Variants in NEMF observed in about 807,000 individuals in gnomAD.
The protein encoded by NEMF is ribosome quality control complex subunit NEMF.
Under a neutral mutation model 162.2 loss-of-function variants are expected in NEMF, and 89 were observed. The ratio of observed to expected loss-of-function variants is 0.55; its 90% CI spans 0.46 to 0.65. The LOEUF (loss-of-function observed/expected upper bound fraction) is 0.65. Among genes scored for constraint, NEMF ranks in the 30% least tolerant of loss-of-function variants. NEMF has a pLI of 0.00. For missense variants in NEMF, 1,133 were observed against 1,261.9 expected (o/e 0.90, Z 1.55); for synonymous variants, 421 against 404.5 (o/e 1.04, Z -0.49).
At chr14:49,815,242 T>A (rs527671580) in intron 16 of NEMF, among the ~76,000 whole-genome samples, 5 of 152,310 alleles carry the variant, frequency 3.3e-5, no homozygotes, top group Admixed American at 2.0e-4. Context: ...GTTTTCCCAC[T>A]CTGCTCTCAA....
Position 49,833,483 on chromosome 14 carries a change from T to C in NEMF, c.675A>G (p.Val225=), listed in dbSNP as rs144956147. ...EKLETKDIEK[V]LVSLQKAEDY... ...CTTCTGCTTTCTGCAGAGAAACAAGTACTTTTTCAATATCTAATGGTGGGG... is the reference window on the plus strand; with the variant it reads ...CTTCTGCTTTCTGCAGAGAAACAAGCACTTTTTCAATATCTAATGGTGGGG... Residue 225 remains valine, a synonymous_variant, in exon 8 of 33, where the codon GTA becomes GTG. Transcript: ENST00000298310. 186 of 1,578,592 alleles carry C rather than the reference T, an allele frequency of 1.2e-4. No homozygotes were observed. Among genetic ancestry groups the C allele is most frequent in the Middle Eastern group, 1.7e-4 (1 of 5,728 alleles).
chr14:49,829,661 G>C (rs1273058057), intron 11 of NEMF, among the ~76,000 whole-genome samples: 3 of 152,114 alleles, frequency 2.0e-5, no homozygotes, highest in Admixed American at 6.6e-5. Context: ...TTTGATTACA[G>C]GTTACTGTGT....
chr14:49,800,752 T>G, intron 22 of NEMF, 56 bp from the exon 23 acceptor site: 1 of 1,487,410 alleles, frequency 6.7e-7, no homozygotes. Context: ...GCCAGGTGAT[T>G]TCCTAAAAAT....
At position 49,782,488 on chromosome 14, in the gene NEMF, A is replaced by AACTT. The variant is rs771606148; in HGVS notation, c.*2144_*2147dup. The AACTT allele has an allele frequency of 6.3e-6, 10 of 1,597,266 alleles. No homozygotes were observed. In the Admixed American group the frequency reaches 8.5e-5, roughly 14 times the overall value. ...TATACTACCTTCACATTATTACTGA[A>AACTT]ACTTACTTGCAAAGCATTTGCTTTT... is the stretch of plus-strand genomic sequence containing the variant. On this transcript the variant is annotated 3_prime_UTR_variant, in exon 33 of 33. Coordinates refer to ENST00000298310, the MANE Select transcript of NEMF (RefSeq NM_004713.6).
chr14:49,799,235 G>GAAAAAAAAAAA (rs1402728880), intron 25 of NEMF, among the ~76,000 whole-genome samples: 6 of 54,970 alleles, frequency 1.1e-4, no homozygotes, highest in East Asian at 2.7e-4. Flanking sequence ...AAAAAAAAAG[G>GAAAAAAAAAAA]AAAATGTTAA....
At chr14:49,846,023 G>T in intron 4 of NEMF, 117 bp downstream of exon 4, 2 of 759,316 alleles carry the variant, frequency 2.6e-6, no homozygotes, top group East Asian at 2.7e-5. Flanking sequence ...CCATTTCCTA[G>T]GGTAGTAACA....
At chr14:49,837,815 T>TAAAAAAAAA (rs10709373) in intron 6 of NEMF, among the ~76,000 whole-genome samples, 2 of 122,780 alleles carry the variant, frequency 1.6e-5, no homozygotes, top group African/African-American at 3.1e-5. Context: ...ACCCACCAAT[T>TAAAAAAAAA]AAAAAAAAAA....
At chr14:49,799,943 A>G (rs1035636759) in intron 23 of NEMF, among the ~76,000 whole-genome samples, 1 of 152,196 alleles carries the variant, frequency 6.6e-6, no homozygotes, top group East Asian at 1.9e-4. Flanking sequence ...CCAAATCCCT[A>G]TGAAAGGGAT....
intron 11 of NEMF, among the ~76,000 whole-genome samples, chr14:49,830,725 G>A (rs1594784969): frequency 1.3e-5 from 2 of 152,328 alleles, no homozygotes; most frequent in African/African-American, 4.8e-5. Flanking sequence ...TTTTAAGACT[G>A]TTTTTGAAAA....
chr14:49,852,599 T>C, intron 1 of NEMF, 96 bp downstream of exon 1: 1 of 1,360,494 alleles, frequency 7.4e-7, no homozygotes, highest in Non-Finnish European at 1.0e-6. Context: ...CACTAGGAAA[T>C]AAGGAAACAT....
At chr14:49,785,028 A>G (rs1175193584) in intron 31 of NEMF, 24 bp from the exon 32 acceptor site, 1 of 1,608,962 alleles carries the variant, frequency 6.2e-7, no homozygotes, top group Admixed American at 1.7e-5. Flanking sequence ...AAAGAGTAAG[A>G]ATAATCTACT....
At chr14:49,792,612 A>C (rs1045639330) in intron 26 of NEMF, among the ~76,000 whole-genome samples, 1 of 152,242 alleles carries the variant, frequency 6.6e-6, no homozygotes, top group South Asian at 2.1e-4. Context: ...AAAAACAGGC[A>C]GAGACGGTAT....
rs10596408 is a variant in NEMF, at chr14:49,819,392, CATATATATATATAT to C, written c.1578-4549_1578-4536del. 2.4e-4 allele frequency among the ~76,000 whole-genome samples: 36 copies of C among 147,544 alleles called. No homozygotes were observed. The East Asian group carries it at 6.7e-3, about 28-fold the overall frequency. On this transcript the variant is annotated intron_variant, in intron 16 of 32. Transcript: ENST00000298310. Reference sequence around the variant, plus strand: ...TATATAATAAAAACATATTATAGACCATATATATATATATATATATATATATATGTTTATTTTTT... The same window carrying C: ...TATATAATAAAAACATATTATAGACCATATATATATATATGTTTATTTTTT...
In NEMF at chr14:49,785,207, A is replaced by C. The variant is rs922676878; in HGVS notation, c.3029+13T>G. The C allele has an allele frequency of 1.2e-6, 2 of 1,608,444 alleles. No homozygotes were observed. Among genetic ancestry groups the C allele is most frequent in the Non-Finnish European group, 1.7e-6 (2 of 1,174,814 alleles). On this transcript the variant is annotated intron_variant, in intron 30 of 32. Coordinates refer to ENST00000298310, the MANE Select transcript of NEMF (RefSeq NM_004713.6). The stretch of plus-strand genomic sequence containing the variant: ...ATTCACAAAAGCCATTCTGTCAACT[A>C]ATGGTAACTTACTTGTAGTTTGTCA...
chr14:49,842,701 C>A (rs996979987), intron 4 of NEMF, among the ~76,000 whole-genome samples: 1 of 152,190 alleles, frequency 6.6e-6, no homozygotes, highest in Non-Finnish European at 1.5e-5. Flanking sequence ...CCAGAAATTA[C>A]TAAGTGCTGA....
intron 3 of NEMF, among the ~76,000 whole-genome samples, chr14:49,848,642 C>CTGGCCAACA (rs952006463): frequency 1.3e-5 from 2 of 152,048 alleles, no homozygotes; most frequent in African/African-American, 4.8e-5. Context: ...CAAGACCAGC[C>CTGGCCAACA]TGGCCAACAT....
At chr14:49,790,134 T>C (rs1772262724) in intron 26 of NEMF, among the ~76,000 whole-genome samples, 1 of 152,194 alleles carries the variant, frequency 6.6e-6, no homozygotes, top group Admixed American at 6.5e-5. Flanking sequence ...ATAACACATT[T>C]TGAAAATTGT....
At chr14:49,835,837 T>C (rs141615236) in intron 6 of NEMF, among the ~76,000 whole-genome samples, 201 of 152,310 alleles carry the variant, frequency 1.3e-3, no homozygotes, top group African/African-American at 4.3e-3. Context: ...AACCAATATA[T>C]AGAAATCAAT....
chr14:49,829,625 C>G (rs1892540243), intron 11 of NEMF, among the ~76,000 whole-genome samples, 199 bp from the exon 12 acceptor site: 1 of 152,170 alleles, frequency 6.6e-6, no homozygotes, highest in Non-Finnish European at 1.5e-5. Context: ...GTCTTCCTAA[C>G]TCCCACTCCT....
Sources: allele counts gnomAD v4.1 joint callset (sites outside exome capture counted in the v4.1 genomes callset), GRCh38; gene constraint gnomAD v4.1.1; transcripts MANE v1.5; gene names NCBI Gene and HGNC (gene_info 2026-07-23, HGNC 2026-07-21).